Variants in XYLT1 observed in about 807,000 individuals in gnomAD.
XYLT1 encodes xylosyltransferase 1.
XYLT1 carries 36 observed loss-of-function variants against 91.3 expected under a neutral mutation model. That is an observed-to-expected ratio of 0.39 (90% CI 0.30 to 0.52). The LOEUF is 0.52. Among genes scored for constraint, XYLT1 ranks in the 20% least tolerant of loss-of-function variants. The pLI, the probability that XYLT1 is intolerant of heterozygous loss-of-function variation, is 0.68. For synonymous variants in XYLT1, 588 were observed against 532.0 expected (o/e 1.11, Z -1.45); for missense variants, 1,242 against 1,284.5 (o/e 0.97, Z 0.51).
At chr16:17,279,893 G>A (rs2034032028) in intron 2 of XYLT1, among the ~76,000 whole-genome samples, 1 of 152,198 alleles carries the variant, frequency 6.6e-6, no homozygotes, top group Non-Finnish European at 1.5e-5. Flanking sequence ...AATCTTCCGT[G>A]GCACTGCCGA....
At chr16:17,404,706 C>T (rs4474665) in intron 1 of XYLT1, among the ~76,000 whole-genome samples, 39,425 of 151,936 alleles carry the variant, frequency 0.26, 5,398 homozygotes, top group Middle Eastern at 0.33. Flanking sequence ...GAGGCTGAGG[C>T]GGGAGGACGA....
At chr16:17,232,393 G>GCGTGTC (rs1308176566) in intron 3 of XYLT1, among the ~76,000 whole-genome samples, 1,989 of 128,220 alleles carry the variant, frequency 0.016, 34 homozygotes, top group South Asian at 0.071. Flanking sequence ...GACTGTGTCT[G>GCGTGTC]TGTGTCTGTG....
chr16:17,470,603 C>G lies in XYLT1; in HGVS notation c.194G>C (p.Arg65Pro), dbSNP rs2083501636. ...CTCGGCGGGCAGGTCCCGGCGCTCC[C>G]GGCGCGGGGCCGGGGCCGGGGGCGG... ...EQPPPAPAPR[R>P]ERRDLPAEPA... The change falls in exon 1 of 12, where the codon CGG (arginine) becomes CCG (proline). Residue 65 changes from arginine to proline, a missense_variant. Arg to Pro is a moderately radical substitution (Grantham distance 103). Transcript: ENST00000261381. 2 of 1,156,520 alleles carry G rather than the reference C, an allele frequency of 1.7e-6. No homozygotes were observed. Among genetic ancestry groups the G allele is most frequent in the Non-Finnish European group, 2.1e-6 (2 of 941,130 alleles). 71.6% of individuals were successfully genotyped at this position (1,156,520 alleles called of 1,614,324 possible).
At chr16:17,186,022 C>CAG (rs144029125) in intron 5 of XYLT1, among the ~76,000 whole-genome samples, 22 of 151,664 alleles carry the variant, frequency 1.5e-4, no homozygotes, top group South Asian at 1.0e-3. Flanking sequence ...TATATATACA[C>CAG]AGAGAGAGAG....
At chr16:17,244,167 G>A (rs570750471) in intron 3 of XYLT1, among the ~76,000 whole-genome samples, 68 of 152,186 alleles carry the variant, frequency 4.5e-4, no homozygotes, top group Non-Finnish European at 8.1e-4. Context: ...TCCCAGGTCC[G>A]GGCTTCTCAA....
intron 1 of XYLT1, among the ~76,000 whole-genome samples, chr16:17,380,224 G>A (rs1481388154): frequency 6.6e-6 from 1 of 152,166 alleles, no homozygotes; most frequent in Non-Finnish European, 1.5e-5. Context: ...GGAGGCGGAG[G>A]TTGCAGTGAG....
intron 1 of XYLT1, among the ~76,000 whole-genome samples, chr16:17,401,025 A>G (rs1167118194): frequency 6.6e-6 from 1 of 150,844 alleles, no homozygotes; most frequent in African/African-American, 2.5e-5. Context: ...CCTGTCTACA[A>G]TCTATTCTTC....
chr16:17,137,343 CCGCTCCA>C (rs1231614721), intron 8 of XYLT1, among the ~76,000 whole-genome samples: 4 of 152,222 alleles, frequency 2.6e-5, no homozygotes, highest in Non-Finnish European at 5.9e-5. Flanking sequence ...AAACAGCATC[CCGCTCCA>C]CATCAAGGGC....
At chr16:17,360,439 T>G (rs2035365931) in intron 1 of XYLT1, among the ~76,000 whole-genome samples, 1 of 152,216 alleles carries the variant, frequency 6.6e-6, no homozygotes, top group Non-Finnish European at 1.5e-5. Flanking sequence ...AGAGACCTTA[T>G]CAGTGCATGG....
intron 1 of XYLT1, among the ~76,000 whole-genome samples, chr16:17,422,191 C>T (rs529359191): frequency 4.4e-4 from 67 of 151,612 alleles, no homozygotes; most frequent in African/African-American, 1.5e-3. Flanking sequence ...ACCATGATGT[C>T]TGGCTAACTT....
At chr16:17,275,763 T>C (rs561988715) in intron 2 of XYLT1, among the ~76,000 whole-genome samples, 29 of 152,306 alleles carry the variant, frequency 1.9e-4, no homozygotes, top group African/African-American at 6.5e-4. Context: ...CCAGGTCCTC[T>C]GGGACGGGGC....
intron 1 of XYLT1, among the ~76,000 whole-genome samples, chr16:17,419,651 C>G (rs192582419): frequency 6.6e-6 from 1 of 152,312 alleles, no homozygotes; most frequent in East Asian, 1.9e-4. Flanking sequence ...GCATTTTAGA[C>G]AACATCTTTC....
At chr16:17,450,730 G>A (rs1232438705) in intron 1 of XYLT1, among the ~76,000 whole-genome samples, 4 of 152,110 alleles carry the variant, frequency 2.6e-5, no homozygotes, top group African/African-American at 9.7e-5. Context: ...GTCTTGCGTC[G>A]TAAACAGACT....
chr16:17,410,317 C>T lies in XYLT1; in HGVS notation c.364-52267G>A, dbSNP rs144321546. Among the ~76,000 whole-genome samples the T allele has an allele frequency of 1.2e-4, 19 of 152,280 alleles. No individual in the cohort carries two copies. In the East Asian group the frequency reaches 2.3e-3, roughly 19 times the overall value. ...TTCACGTTGCTGATAAAGACACATCCGAGACTGGGCAATTTACAAAAAGAG... is the reference window on the plus strand; with the variant it reads ...TTCACGTTGCTGATAAAGACACATCTGAGACTGGGCAATTTACAAAAAGAG... On this transcript the variant is annotated intron_variant, in intron 1 of 11. Transcript: ENST00000261381.
chr16:17,436,411 G>T (rs992945980), intron 1 of XYLT1, among the ~76,000 whole-genome samples: 2 of 151,964 alleles, frequency 1.3e-5, no homozygotes, highest in Non-Finnish European at 2.9e-5. Context: ...CCATGATATC[G>T]CCTTGCTTTC....
At chr16:17,377,529 C>G (rs1185804539) in intron 1 of XYLT1, among the ~76,000 whole-genome samples, 1 of 152,060 alleles carries the variant, frequency 6.6e-6, no homozygotes, top group African/African-American at 2.4e-5. Context: ...AGCTCACTCC[C>G]CAAGAAGCTT....
At chr16:17,459,229 G>A (rs940403840) in intron 1 of XYLT1, among the ~76,000 whole-genome samples, 2 of 151,908 alleles carry the variant, frequency 1.3e-5, no homozygotes, top group Non-Finnish European at 2.9e-5. Flanking sequence ...AAAATTAGCC[G>A]GGCATGGTGG....
chr16:17,242,360 T>C (rs1036251231), intron 3 of XYLT1, among the ~76,000 whole-genome samples: 2 of 152,228 alleles, frequency 1.3e-5, no homozygotes, highest in African/African-American at 4.8e-5. Context: ...CTATTTATTA[T>C]CTAGCCTTTT....
At chr16:17,445,586 T>C (rs1424303627) in intron 1 of XYLT1, among the ~76,000 whole-genome samples, 1 of 152,166 alleles carries the variant, frequency 6.6e-6, no homozygotes, top group Non-Finnish European at 1.5e-5. Flanking sequence ...TTTGAGCGAC[T>C]CTCACTACTG....
Sources: gnomAD v4.1 joint callset for allele counts (sites outside exome capture counted in the v4.1 genomes callset) on GRCh38, gnomAD v4.1.1 for gene constraint, MANE v1.5 for transcripts, NCBI Gene and HGNC (gene_info 2026-07-23, HGNC 2026-07-21) for gene names.